Variants in SP140 observed in about 807,000 individuals in gnomAD.
SP140 encodes SP140 nuclear body protein.
SP140 carries 81 observed loss-of-function variants against 125.0 expected under a neutral mutation model. That is an observed-to-expected ratio of 0.65 (90% confidence interval 0.54 to 0.78). The LOEUF (loss-of-function observed/expected upper bound fraction) is 0.78, where lower values mean the gene tolerates loss of function less well. SP140 is among the 30% of genes least tolerant of loss of function. SP140 has a pLI of 0.00. For missense variants in SP140, 858 were observed against 1,037.0 expected (o/e 0.83, Z 2.37); for synonymous variants, 312 against 354.0 (o/e 0.88, Z 1.33).
intron 22 of SP140, among the ~76,000 whole-genome samples, chr2:230,305,108 C>G (rs2058631600): frequency 6.6e-6 from 1 of 152,150 alleles, no homozygotes; most frequent in Non-Finnish European, 1.5e-5. Flanking sequence ...CATGAATAGA[C>G]AATTCTCAAA....
At chr2:230,214,846 G>C in intron 3 of SP140, 1 of 939,736 alleles carries the variant, frequency 1.1e-6, no homozygotes, top group Non-Finnish European at 1.7e-6. Flanking sequence ...ACCCCAGAGA[G>C]AAGGCGGGGG....
At chr2:230,205,091 A>G (rs975571831) in intron 1 of SP140, among the ~76,000 whole-genome samples, 1 of 152,222 alleles carries the variant, frequency 6.6e-6, no homozygotes, top group African/African-American at 2.4e-5. Context: ...AGATTTAAGC[A>G]TGGAAATAAA....
chr2:230,241,338 G>T, intron 3 of SP140, 66 bp from the exon 4 acceptor site: 2 of 978,296 alleles, frequency 2.0e-6, no homozygotes, highest in South Asian at 2.6e-5. Context: ...AGTTCATCTT[G>T]AGCACACTGA....
At chr2:230,297,512 C>G in intron 22 of SP140, 50 bp downstream of exon 22, 2 of 1,593,506 alleles carry the variant, frequency 1.3e-6, no homozygotes, top group Non-Finnish European at 8.6e-7. Flanking sequence ...ACTCCTTTCT[C>G]CAGGCATATG....
chr2:230,251,099 G>A (rs1381333868), intron 10 of SP140, 38 bp downstream of exon 10: 3 of 1,548,686 alleles, frequency 1.9e-6, no homozygotes, highest in Admixed American at 1.7e-5. Flanking sequence ...GGGCTGCAGA[G>A]TGTCAGGAGG....
chr2:230,311,013 C>G, intron 24 of SP140, 141 bp from the exon 25 acceptor site: 1 of 1,127,566 alleles, frequency 8.9e-7, no homozygotes, highest in Non-Finnish European at 1.2e-6. Flanking sequence ...AAAAATAACT[C>G]AGCCATGACA....
chr2:230,265,518 T>C (rs916940634), intron 12 of SP140, among the ~76,000 whole-genome samples: 1 of 152,204 alleles, frequency 6.6e-6, no homozygotes, highest in Non-Finnish European at 1.5e-5. Flanking sequence ...GATTGGCTTC[T>C]CCCTGTGTAG....
At chr2:230,209,840 T>TG in intron 1 of SP140, 2 of 812,002 alleles carry the variant, frequency 2.5e-6, no homozygotes. Context: ...TGTGGTCACA[T>TG]AGTGGTGCTC....
chr2:230,199,148 ATTT>A (rs113583785), upstream of SP140, among the ~76,000 whole-genome samples: 73 of 139,090 alleles, frequency 5.2e-4, no homozygotes, highest in South Asian at 2.2e-3. Flanking sequence ...TATTATTATT[ATTT>A]TTTTTTTTTT....
chr2:230,221,682 T>C (rs1320884970), upstream of SP140: 1 of 1,535,476 alleles, frequency 6.5e-7, no homozygotes, highest in African/African-American at 1.4e-5. Flanking sequence ...GGTTATTTTA[T>C]GCAAATGTCA....
chr2:230,309,866 G>A, intron 22 of SP140, 58 bp from the exon 23 acceptor site: 1 of 1,583,876 alleles, frequency 6.3e-7, no homozygotes, highest in Non-Finnish European at 8.7e-7. Flanking sequence ...TTGCCCAGAG[G>A]GTTGGCCTTC....
At chr2:230,224,066 T>C (rs1002804069), upstream of SP140, among the ~76,000 whole-genome samples, 4 of 152,108 alleles carry the variant, frequency 2.6e-5, no homozygotes, top group African/African-American at 7.2e-5. Context: ...AAAAACAAGA[T>C]AGTGGGAAAT....
intron 4 of SP140, among the ~76,000 whole-genome samples, chr2:230,242,592 C>G (rs1305802325): frequency 1.3e-5 from 2 of 152,136 alleles, no homozygotes; most frequent in Non-Finnish European, 2.9e-5. Flanking sequence ...GAACCTTAAA[C>G]TTGGTACTTT....
At chr2:230,189,920 C>T in the SP140 span, among the ~76,000 whole-genome samples, 75 of 152,304 alleles carry the variant, frequency 4.9e-4, no homozygotes, top group African/African-American at 1.8e-3. Context: ...ATATGTACCA[C>T]ATATTCTTTA....
chr2:230,291,056 A>G (rs980428048), intron 19 of SP140, among the ~76,000 whole-genome samples: 2 of 152,206 alleles, frequency 1.3e-5, no homozygotes, highest in African/African-American at 4.8e-5. Context: ...CTCATCCAAG[A>G]GAGGGAACAA....
At chr2:230,202,840 C>T (rs1451263775), upstream of SP140, 202 of 958,274 alleles carry the variant, frequency 2.1e-4, 4 homozygotes, top group Non-Finnish European at 6.8e-6. Flanking sequence ...TCTTTCAGAT[C>T]TCTGTACCCC....
At chr2:230,213,332 G>C (rs1574764215) in intron 1 of SP140, among the ~76,000 whole-genome samples, 1 of 152,108 alleles carries the variant, frequency 6.6e-6, no homozygotes, top group African/African-American at 2.4e-5. Context: ...TTTAATCTTG[G>C]TGTCATATAA....
At chr2:230,212,415 A>C in intron 1 of SP140, 1 of 1,611,212 alleles carries the variant, frequency 6.2e-7, no homozygotes, top group Non-Finnish European at 8.5e-7. Flanking sequence ...TTTGGATGTT[A>C]ACTTGTCATT....
Position 230,290,519 on chromosome 2 carries a change from T to G in SP140, c.1780T>G (p.Cys594Gly). 6.2e-7 allele frequency: 1 copy of G among 1,613,920 alleles called. No individual in the cohort carries two copies. ...TAAGGCTCCTTTGCTTCCAGTGACCTGTGGTGGGGTGAAGGGAATTTTACA... is the reference window on the plus strand; with the variant it reads ...TAAGGCTCCTTTGCTTCCAGTGACCGGTGGTGGGGTGAAGGGAATTTTACA... ...DFKAPLLPVT[C>G]GGVKGILHKK... Residue 594 changes from cysteine (C) to glycine (G), a missense_variant, in exon 19 of 27, where the codon TGT becomes GGT. This residue lies in a region of SP140 where 791 missense variants were observed against 869.5 expected (regional missense o/e 0.91). Coordinates refer to ENST00000392045, the MANE Select transcript of SP140 (RefSeq NM_007237.5).
Sources: allele counts gnomAD v4.1 joint callset (sites outside exome capture counted in the v4.1 genomes callset), GRCh38; gene constraint gnomAD v4.1.1; regional missense constraint gnomAD v4.1.1; transcripts MANE v1.5; gene names NCBI Gene and HGNC (gene_info 2026-07-23, HGNC 2026-07-21).